AUTS2: variants seen among roughly 807,000 people sequenced by gnomAD.
The protein encoded by AUTS2 is activator of transcription and developmental regulator AUTS2.
In AUTS2, 17 loss-of-function variants were observed where a neutral mutation model predicts 112.4. That is an observed-to-expected ratio of 0.15 (90% CI 0.10 to 0.23). The LOEUF is 0.23. Ranked by LOEUF, AUTS2 falls within the 10% of genes least tolerant of loss-of-function variation. AUTS2 has a pLI of 1.00. For missense variants in AUTS2, 1,510 were observed against 1,701.6 expected, an observed-to-expected ratio of 0.89 and a Z score of 1.98; for synonymous variants, 751 against 702.7, an observed-to-expected ratio of 1.07 and a Z score of -1.09.
At chr7:70,233,866 A>G (rs752752960) in intron 4 of AUTS2, among the ~76,000 whole-genome samples, 1 of 152,252 alleles carries the variant, frequency 6.6e-6, no homozygotes, top group Non-Finnish European at 1.5e-5. Flanking sequence ...TTACAGCCCT[A>G]TACTGGCTTT....
At chr7:69,801,920 G>A (rs1790103079) in intron 1 of AUTS2, among the ~76,000 whole-genome samples, 1 of 152,148 alleles carries the variant, frequency 6.6e-6, no homozygotes, top group Non-Finnish European at 1.5e-5. Flanking sequence ...GGTGGGGCAT[G>A]CAATTTTAGA....
intron 5 of AUTS2, among the ~76,000 whole-genome samples, chr7:70,549,455 AG>A (rs1240179812): frequency 1.3e-5 from 2 of 152,226 alleles, no homozygotes; most frequent in Non-Finnish European, 2.9e-5. Context: ...GAGACAAAAG[AG>A]GCAACTTTTG....
At chr7:70,534,095 C>A (rs990599582) in intron 5 of AUTS2, among the ~76,000 whole-genome samples, 1 of 152,202 alleles carries the variant, frequency 6.6e-6, no homozygotes, top group South Asian at 2.1e-4. Flanking sequence ...ACTAAGAGGT[C>A]GCTCTGGTAT....
chr7:70,516,457 A>G lies in AUTS2; in HGVS notation c.690+80676A>G, dbSNP rs575162532. Among the ~76,000 whole-genome samples, 10 of 152,342 alleles carry G rather than the reference A, an allele frequency of 6.6e-5. No homozygotes were observed. In the South Asian group the frequency reaches 2.1e-3, roughly 32 times the overall value. On this transcript the variant is annotated intron_variant, in intron 5 of 18. Transcript: ENST00000342771. ...CGGAGGTTCTTGGGATAAGAGAAAG[A>G]CATTAGACTACCTCAGACCAGCAGG...
intron 5 of AUTS2, among the ~76,000 whole-genome samples, chr7:70,529,022 G>A (rs1799971581): frequency 6.6e-6 from 1 of 152,140 alleles, no homozygotes; most frequent in African/African-American, 2.4e-5. Flanking sequence ...AACCCAAGGA[G>A]ACATAGGAGT....
chr7:70,348,498 C>CAG (rs1377723993), intron 4 of AUTS2, among the ~76,000 whole-genome samples: 1 of 152,206 alleles, frequency 6.6e-6, no homozygotes, highest in Non-Finnish European at 1.5e-5. Flanking sequence ...GCTCAGCAGG[C>CAG]AGTGGCTACT....
intron 6 of AUTS2, among the ~76,000 whole-genome samples, chr7:70,735,183 C>T (rs1048283249): frequency 1.3e-5 from 2 of 152,146 alleles, no homozygotes; most frequent in African/African-American, 4.8e-5. Context: ...TAGAATAAAA[C>T]CTTACCAAAG....
chr7:70,318,600 C>A (rs1436559179), intron 4 of AUTS2, among the ~76,000 whole-genome samples: 1 of 152,154 alleles, frequency 6.6e-6, no homozygotes, highest in African/African-American at 2.4e-5. Flanking sequence ...CCTTCTGCCC[C>A]ATGCTGTTAA....
Position 70,744,571 on chromosome 7 carries a change from A to AC in AUTS2, c.743-18296dup, listed in dbSNP as rs776926569. On this transcript the variant is annotated intron_variant, in intron 6 of 18. Coordinates refer to ENST00000342771, the MANE Select transcript of AUTS2 (RefSeq NM_015570.4). ...AAGTCAGTCTGTATTGATTTTGTGA[A>AC]CCCGGGGAACAGTAAGCCAGCCTTC... Among the ~76,000 whole-genome samples, 102 of 152,250 alleles carry AC rather than the reference A, an allele frequency of 6.7e-4. No homozygotes were observed. The Middle Eastern group carries it at 0.014, about 20-fold the overall frequency.
intron 2 of AUTS2, among the ~76,000 whole-genome samples, chr7:70,048,282 T>C (rs924114264): frequency 1.3e-5 from 2 of 152,212 alleles, no homozygotes; most frequent in Non-Finnish European, 2.9e-5. Flanking sequence ...CTCCATTACA[T>C]CACACATGCT....
Position 70,213,062 on chromosome 7 carries a change from T to C in AUTS2, c.660+78491T>C, listed in dbSNP as rs572855456. On this transcript the variant is annotated intron_variant, in intron 4 of 18. Coordinates refer to ENST00000342771, the MANE Select transcript of AUTS2 (RefSeq NM_015570.4). ...TCTTAACATAAAGAAAAGATAAATA[T>C]ATCAGGTGATAGGCATTCTAATTAC... Among the ~76,000 whole-genome samples, 6 of 152,202 alleles carry C rather than the reference T, an allele frequency of 3.9e-5. No homozygotes were observed. In the South Asian group the frequency reaches 1.2e-3, roughly 32 times the overall value.
At chr7:70,373,980 A>G (rs1427287869) in intron 4 of AUTS2, among the ~76,000 whole-genome samples, 4 of 152,090 alleles carry the variant, frequency 2.6e-5, no homozygotes, top group Non-Finnish European at 5.9e-5. Context: ...TGTAGTGTGT[A>G]TGTGTGAATT....
chr7:70,421,105 A>G (rs1408648450), intron 4 of AUTS2, among the ~76,000 whole-genome samples: 2 of 152,196 alleles, frequency 1.3e-5, no homozygotes, highest in Admixed American at 6.5e-5. Context: ...GTTTTAGAAG[A>G]CTGAAAGATG....
At chr7:70,297,714 G>A (rs527517227) in intron 4 of AUTS2, among the ~76,000 whole-genome samples, 36 of 152,226 alleles carry the variant, frequency 2.4e-4, no homozygotes, top group Admixed American at 1.6e-3. Context: ...GATTACAGGC[G>A]TGAGCCACCA....
At chr7:70,318,040 C>G (rs1407847501) in intron 4 of AUTS2, among the ~76,000 whole-genome samples, 1 of 152,162 alleles carries the variant, frequency 6.6e-6, no homozygotes, top group African/African-American at 2.4e-5. Context: ...GATCATGGCT[C>G]TTATTCACTG....
At chr7:70,030,732 A>ATT (rs1334947176) in intron 2 of AUTS2, among the ~76,000 whole-genome samples, 21 of 152,156 alleles carry the variant, frequency 1.4e-4, no homozygotes, top group African/African-American at 5.1e-4. Context: ...TATAATAGTA[A>ATT]AACGTTCATA....
intron 5 of AUTS2, among the ~76,000 whole-genome samples, chr7:70,517,121 C>T (rs992176881): frequency 2.0e-5 from 3 of 152,182 alleles, no homozygotes; most frequent in African/African-American, 7.2e-5. Context: ...ACACAGCCTT[C>T]CTGAATAAGG....
chr7:69,819,465 T>G (rs1270099520), intron 1 of AUTS2, among the ~76,000 whole-genome samples: 1 of 152,180 alleles, frequency 6.6e-6, no homozygotes, highest in African/African-American at 2.4e-5. Context: ...TCAACCTCTA[T>G]TGTCCTCCTG....
intron 4 of AUTS2, among the ~76,000 whole-genome samples, chr7:70,243,231 T>TTGTGTGTG (rs3078161): frequency 3.6e-4 from 48 of 131,746 alleles, no homozygotes; most frequent in South Asian, 1.1e-3. Context: ...GAATGTATCC[T>TTGTGTGTG]TGTGTGTGTG....
Sources: gnomAD v4.1 joint callset for allele counts (sites outside exome capture counted in the v4.1 genomes callset) on GRCh38, gnomAD v4.1.1 for gene constraint, MANE v1.5 for transcripts, NCBI Gene and HGNC (gene_info 2026-07-23, HGNC 2026-07-21) for gene names.